The following FCSK variants were observed in gnomAD, a reference collection of about 807,000 sequenced individuals.
FCSK encodes L-fucose kinase.
FCSK carries 123 observed loss-of-function variants against 122.5 expected under a neutral mutation model. The observed-to-expected ratio is 1.00, with a 90% confidence interval of 0.87 to 1.17. FCSK has a LOEUF of 1.17. Among genes scored for constraint, FCSK ranks in the 50% most tolerant of loss-of-function variants. The pLI is 0.00. For missense variants in FCSK, 1,366 were observed against 1,450.4 expected (o/e 0.94, Z 0.95); for synonymous variants, 620 against 625.5 (o/e 0.99, Z 0.13).
At chr16:70,475,228 A>T in intron 18 of FCSK, 122 bp from the exon 19 acceptor site, 1 of 1,208,604 alleles carries the variant, frequency 8.3e-7, no homozygotes, top group Non-Finnish European at 1.2e-6. Context: ...TGGGGCCAGT[A>T]CTGCTGCTGG....
At position 70,479,253 on chromosome 16, in the gene FCSK, G is replaced by A; in HGVS notation, c.3003G>A (p.Glu1001=). Residue 1001 remains glutamate, a synonymous_variant, in exon 23 of 24, where the codon GAG becomes GAA. Coordinates refer to ENST00000288078, the MANE Select transcript of FCSK (RefSeq NM_145059.3). Reference sequence around the variant, plus strand: ...AGAAGCTCATGGCTCCAGGCTGTGAGCCCCTGACTGTGCGGCGTATGATGG... The same window carrying A: ...AGAAGCTCATGGCTCCAGGCTGTGAACCCCTGACTGTGCGGCGTATGATGG... The part of the protein sequence containing the change: ...EQKKLMAPGC[E]PLTVRRMMDV... 6.2e-7 allele frequency: 1 copy of A among 1,613,938 alleles called. No homozygotes were observed. Among genetic ancestry groups the A allele is most frequent in the Non-Finnish European group, 8.5e-7 (1 of 1,180,042 alleles).
chr16:70,459,388 T>G (rs2048192266), intron 1 of FCSK, among the ~76,000 whole-genome samples: 1 of 151,702 alleles, frequency 6.6e-6, no homozygotes, highest in Non-Finnish European at 1.5e-5. Flanking sequence ...AATACAAAAA[T>G]TAGTCAGGCG....
chr16:70,465,241 G>GAAGTCCTGCTCA, intron 4 of FCSK, 65 bp downstream of exon 4: 1 of 1,453,928 alleles, frequency 6.9e-7, no homozygotes, highest in Non-Finnish European at 9.4e-7. Flanking sequence ...AGTTGAGCAG[G>GAAGTCCTGCTCA]ACTTCAGGGG....
intron 20 of FCSK, 106 bp from the exon 21 acceptor site, chr16:70,478,164 CTA>C: frequency 1.8e-6 from 2 of 1,081,732 alleles, no homozygotes; most frequent in Non-Finnish European, 1.3e-6. Context: ...TTGAGGGAAG[CTA>C]TCTTTCCACA....
chr16:70,458,970 A>T (rs2048177965), intron 1 of FCSK, among the ~76,000 whole-genome samples: 1 of 151,922 alleles, frequency 6.6e-6, no homozygotes, highest in Non-Finnish European at 1.5e-5. Flanking sequence ...ATTAATAAAA[A>T]AAAAGGCTGA....
chr16:70,466,978 T>C (rs2151711171), intron 6 of FCSK, 24 bp downstream of exon 6: 1 of 1,608,790 alleles, frequency 6.2e-7, no homozygotes, highest in Non-Finnish European at 8.5e-7. Context: ...TACCTGGGAC[T>C]GCCTTCCTTC....
At chr16:70,458,365 G>A (rs925521732) in intron 1 of FCSK, among the ~76,000 whole-genome samples, 8 of 151,500 alleles carry the variant, frequency 5.3e-5, no homozygotes, top group African/African-American at 1.9e-4. Flanking sequence ...TCACCATGCT[G>A]GCCAGGCTGG....
In FCSK at chr16:70,467,764, A is replaced by G. The variant is rs1171084369; in HGVS notation, c.583-122A>G. ...TCAGGCCCCCCCTGAGAATGCCAGC[A>G]ACTGCCAGCCTTGCGTCCTCAGCTT... On this transcript the variant is annotated intron_variant, in intron 7 of 23. Transcript: ENST00000288078. The G allele has an allele frequency of 1.5e-5, 12 of 804,996 alleles. No homozygotes were observed. The East Asian group carries it at 2.8e-4, about 19-fold the overall frequency. The allele number at this position is 804,996 out of a possible 1,614,324, so 49.9% of individuals were successfully genotyped here. A position where few individuals can be genotyped will look rare whatever the true frequency, so the allele number is the denominator to read the frequency against.
At chr16:70,476,004 GC>G (rs1357586698) in intron 20 of FCSK, among the ~76,000 whole-genome samples, 1 of 151,170 alleles carries the variant, frequency 6.6e-6, no homozygotes, top group East Asian at 1.9e-4. Context: ...TCTGTGCTGT[GC>G]CCTTTTTTTT....
At chr16:70,467,347 G>A (rs770720873) in intron 6 of FCSK, 27 bp from the exon 7 acceptor site, 1 of 1,553,130 alleles carries the variant, frequency 6.4e-7, no homozygotes, top group South Asian at 1.2e-5. Context: ...AGGCCCCTGG[G>A]AGCCTCCTGA....
Position 70,479,568 on chromosome 16 carries a change from G to A in FCSK, c.3154-11G>A. On this transcript the variant is annotated splice_polypyrimidine_tract_variant and intron_variant, in intron 23 of 23. Coordinates refer to ENST00000288078, the MANE Select transcript of FCSK (RefSeq NM_145059.3). ...GTCCAGAGCCTTCTAAATACTTCCT[G>A]TCTTGTCCAGGGCCTTGGGAATTAC... 2.5e-6 allele frequency: 4 copies of A among 1,611,886 alleles called. No individual in the cohort carries two copies. The highest frequency in any genetic ancestry group is 1.3e-5 in the African/African-American group (1 of 74,972).
At chr16:70,476,890 A>C (rs2048834992) in intron 20 of FCSK, among the ~76,000 whole-genome samples, 1 of 152,228 alleles carries the variant, frequency 6.6e-6, no homozygotes, top group Admixed American at 6.5e-5. Flanking sequence ...CCCCAGGGAT[A>C]AAATGAGCAA....
intron 1 of FCSK, among the ~76,000 whole-genome samples, chr16:70,459,318 C>T (rs2048189914): frequency 6.6e-6 from 1 of 151,974 alleles, no homozygotes; most frequent in African/African-American, 2.4e-5. Flanking sequence ...AGGTGGATCA[C>T]CTGAGGTCAA....
intron 19 of FCSK, 56 bp from the exon 20 acceptor site, chr16:70,475,592 C>A: frequency 1.3e-6 from 2 of 1,573,870 alleles, no homozygotes; most frequent in South Asian, 1.1e-5. Context: ...CGGAGTCAGG[C>A]AGGCCTGGGC....
At chr16:70,466,398 A>C in intron 5 of FCSK, 141 bp downstream of exon 5, 1 of 1,076,406 alleles carries the variant, frequency 9.3e-7, no homozygotes, top group Non-Finnish European at 1.3e-6. Flanking sequence ...AAGAGCTTCA[A>C]GAAGTTAGTT....
rs368743342 is a variant in FCSK at position 70,471,051 on chromosome 16, C to T, written c.1149C>T (p.Val383=). ...CTGTCCAGCTGGGTCCTGGGAGCGTCCTGCAGCACTGCCACCTGCAGGTGA... is the reference window on the plus strand; with the variant it reads ...CTGTCCAGCTGGGTCCTGGGAGCGTTCTGCAGCACTGCCACCTGCAGGTGA... The part of the protein sequence containing the change: ...EGPVQLGPGS[V]LQHCHLQGPI... Residue 383 remains valine (V), a synonymous_variant, in exon 12 of 24, where the codon GTC becomes GTT. Coordinates refer to ENST00000288078, the MANE Select transcript of FCSK (RefSeq NM_145059.3). 11 of 1,602,468 alleles carry T rather than the reference C, an allele frequency of 6.9e-6. No individual in the cohort carries two copies. Among genetic ancestry groups the T allele is most frequent in the Admixed American group, 6.8e-5 (4 of 58,946 alleles).
Position 70,479,564 on chromosome 16 carries a change from TC to T in FCSK, c.3154-13del. The T allele has an allele frequency of 6.2e-7, 1 of 1,610,444 alleles. No individual in the cohort carries two copies. The highest frequency in any genetic ancestry group is 1.1e-5 in the South Asian group (1 of 90,746). ...ATTTGTCCAGAGCCTTCTAAATACT[TC>T]CTGTCTTGTCCAGGGCCTTGGGAAT... On this transcript the variant is annotated splice_polypyrimidine_tract_variant and intron_variant, in intron 23 of 23. Coordinates refer to ENST00000288078, the MANE Select transcript of FCSK (RefSeq NM_145059.3).
chr16:70,470,306 C>G lies in FCSK; in HGVS notation c.956-8C>G. 6.2e-7 allele frequency: 1 copy of G among 1,604,510 alleles called. No homozygotes were observed. The highest frequency in any genetic ancestry group is 8.5e-7 in the Non-Finnish European group (1 of 1,172,472). On this transcript the variant is annotated splice_polypyrimidine_tract_variant and splice_region_variant and intron_variant, in intron 10 of 23. Transcript: ENST00000288078. ...ATGGGGTTGGGTTCAGTACTTATGT[C>G]TTTACAGCCTATGTCTCCAGCGGCA...
Position 70,479,761 on chromosome 16 carries a change from C to T in FCSK, c.*81C>T, listed in dbSNP as rs1273475259. ...CCTTGCCCCATGGGAACCTCCACCT[C>T]CTACTCCCCACCCACCTCTGCGAAT... On this transcript the variant is annotated 3_prime_UTR_variant, in exon 24 of 24. Transcript: ENST00000288078. The T allele has an allele frequency of 1.1e-4, 114 of 1,059,454 alleles. No individual in the cohort carries two copies. The highest frequency in any genetic ancestry group is 7.0e-6 in the Non-Finnish European group (5 of 714,702). The allele number at this position is 1,059,454 out of a possible 1,614,324, so 65.6% of individuals were successfully genotyped here.
Sources: allele counts gnomAD v4.1 joint callset (sites outside exome capture counted in the v4.1 genomes callset), GRCh38; gene constraint gnomAD v4.1.1; transcripts MANE v1.5; gene names NCBI Gene and HGNC (gene_info 2026-07-23, HGNC 2026-07-21).